FBXO31: variants seen among roughly 807,000 people sequenced by gnomAD.
The protein encoded by FBXO31 is F-box only protein 31.
Under a neutral mutation model 54.4 loss-of-function variants are expected in FBXO31, and 24 were observed. That is an observed-to-expected ratio of 0.44 (90% CI 0.32 to 0.62). The LOEUF (loss-of-function observed/expected upper bound fraction) is 0.62. FBXO31 is among the 20% of genes least tolerant of loss of function. The probability of loss-of-function intolerance (pLI) is 0.05; values close to 1 mark genes in which losing one functional copy is unlikely to be tolerated. For missense variants in FBXO31, 665 were observed against 787.1 expected (o/e 0.84, Z 1.86); for synonymous variants, 388 against 335.6 (o/e 1.16, Z -1.71).
At chr16:87,370,844 G>C (rs1327641688) in intron 1 of FBXO31, among the ~76,000 whole-genome samples, 3 of 152,302 alleles carry the variant, frequency 2.0e-5, no homozygotes, top group East Asian at 3.9e-4. Context: ...GTTTGTACTT[G>C]CGCTAAATTA....
chr16:87,372,100 T>C (rs1443517292), intron 1 of FBXO31, among the ~76,000 whole-genome samples: 1 of 152,022 alleles, frequency 6.6e-6, no homozygotes, highest in African/African-American at 2.4e-5. Flanking sequence ...GGCACATGCA[T>C]GTAGTCCTAG....
At chr16:87,387,291 T>A (rs1319061348), upstream of FBXO31, among the ~76,000 whole-genome samples, 1 of 152,184 alleles carries the variant, frequency 6.6e-6, no homozygotes, top group Admixed American at 6.5e-5. Context: ...ATCCTTTATG[T>A]AGAAATGTAT....
In FBXO31 at chr16:87,353,577, G is replaced by A. The variant is rs144392984; in HGVS notation, c.413-6327C>T. Among the ~76,000 whole-genome samples, 1,506 of 151,962 alleles carry A rather than the reference G, an allele frequency of 9.9e-3. 4 individuals are homozygous for A. The highest frequency in any genetic ancestry group is 0.017 in the Middle Eastern group (5 of 294). The stretch of plus-strand genomic sequence containing the variant: ...GGACAGAGGCAGGGGCTGCGGCAAC[G>A]TGGCCAGAGCAGGAAGAGGCGGTAA... On this transcript the variant is annotated intron_variant, in intron 2 of 8. Coordinates refer to ENST00000311635, the MANE Select transcript of FBXO31 (RefSeq NM_024735.5).
chr16:87,368,568 T>C (rs1906463859), intron 1 of FBXO31, among the ~76,000 whole-genome samples: 3 of 152,008 alleles, frequency 2.0e-5, no homozygotes, highest in African/African-American at 4.8e-5. Context: ...AGGTTCAGTG[T>C]TGCAGGCTGT....
At chr16:87,349,159 G>A (rs1252652056) in intron 2 of FBXO31, among the ~76,000 whole-genome samples, 1 of 152,150 alleles carries the variant, frequency 6.6e-6, no homozygotes, top group East Asian at 1.9e-4. Context: ...AAATCCACAG[G>A]TTTTAAAAAA....
At chr16:87,391,415 A>G (rs1408476580), upstream of FBXO31, among the ~76,000 whole-genome samples, 1 of 152,242 alleles carries the variant, frequency 6.6e-6, no homozygotes, top group Non-Finnish European at 1.5e-5. Flanking sequence ...ACTGCAGCCC[A>G]TTTGGAGTCC....
rs1202058807 is a variant in FBXO31 at position 87,331,524 on chromosome 16, A to G, written c.1398-14T>C. 1.9e-6 allele frequency: 3 copies of G among 1,585,718 alleles called. No individual in the cohort carries two copies. In the Admixed American group the frequency reaches 5.2e-5, roughly 27 times the overall value. On this transcript the variant is annotated splice_polypyrimidine_tract_variant and intron_variant, in intron 8 of 8. Coordinates refer to ENST00000311635, the MANE Select transcript of FBXO31 (RefSeq NM_024735.5). ...GTGCCATAAAAACTGAGCAGAAACA[A>G]GAGGGAAACTGTGAGCTGGGGGAGG... is the stretch of plus-strand genomic sequence containing the variant.
Position 87,360,297 on chromosome 16 carries a change from T to G in FBXO31, c.410A>C (p.Lys137Thr). 1 of 1,614,098 alleles carries G rather than the reference T, an allele frequency of 6.2e-7. No individual in the cohort carries two copies. The highest frequency in any genetic ancestry group is 8.5e-7 in the Non-Finnish European group (1 of 1,179,924). ...TGVSCRDVYAKLLHRYRHILG... is the reference protein window; with the variant it reads ...TGVSCRDVYATLLHRYRHILG... ...TGGTAACAAATAGATTCACTCACGC[T>G]TCGCATAGACGTCCCGACAAGACAC... Residue 137 changes from lysine to threonine, a missense_variant and splice_region_variant, in exon 2 of 9, where the codon AAG becomes ACG. Physicochemically the swap from Lys to Thr is moderately conservative, Grantham distance 78. This residue lies in a region of FBXO31 where 234 missense variants were observed against 346.8 expected (regional missense o/e 0.67). Transcript: ENST00000311635.
At chr16:87,340,098 C>T (rs1469059182) in intron 5 of FBXO31, among the ~76,000 whole-genome samples, 3 of 152,158 alleles carry the variant, frequency 2.0e-5, no homozygotes, top group Non-Finnish European at 2.9e-5. Flanking sequence ...ACCTGGCCAA[C>T]ATGGGGAAAA....
intron 2 of FBXO31, among the ~76,000 whole-genome samples, chr16:87,357,570 C>T (rs1018206085): frequency 2.0e-5 from 3 of 152,046 alleles, no homozygotes; most frequent in African/African-American, 7.2e-5. Flanking sequence ...TCAGATGATC[C>T]ACCTGCCTCG....
At chr16:87,364,462 G>A (rs777080838) in intron 1 of FBXO31, among the ~76,000 whole-genome samples, 5 of 152,182 alleles carry the variant, frequency 3.3e-5, no homozygotes, top group African/African-American at 4.8e-5. Context: ...AGTTCGCGCC[G>A]ACTCTTCTCC....
intron 1 of FBXO31, among the ~76,000 whole-genome samples, chr16:87,380,284 G>A (rs1352083126): frequency 8.4e-6 from 1 of 118,530 alleles, no homozygotes; most frequent in Non-Finnish European, 1.6e-5. Context: ...GTGACAGAGC[G>A]AGACTCCGTC....
intron 5 of FBXO31, among the ~76,000 whole-genome samples, chr16:87,341,879 G>A (rs1286012668): frequency 6.6e-6 from 1 of 152,024 alleles, no homozygotes; most frequent in African/African-American, 2.4e-5. Context: ...GCAGTCCTCT[G>A]GCTGATGGGG....
chr16:87,334,511 C>T (rs1229958627), intron 7 of FBXO31, among the ~76,000 whole-genome samples: 2 of 152,366 alleles, frequency 1.3e-5, no homozygotes, highest in African/African-American at 4.8e-5. Flanking sequence ...ACCTGCTCAA[C>T]TGCGCCCAGA....
intron 2 of FBXO31, among the ~76,000 whole-genome samples, chr16:87,348,211 C>G (rs532390700): frequency 6.6e-6 from 1 of 152,342 alleles, no homozygotes; most frequent in East Asian, 1.9e-4. Context: ...TGCCACCAAC[C>G]TTCCTGCCTC....
At chr16:87,351,095 C>G (rs1037943932) in intron 2 of FBXO31, among the ~76,000 whole-genome samples, 1 of 152,180 alleles carries the variant, frequency 6.6e-6, no homozygotes, top group Admixed American at 6.5e-5. Context: ...GGGCTGCCAG[C>G]GCACAGACCC....
chr16:87,368,360 T>C (rs142735105), intron 1 of FBXO31, among the ~76,000 whole-genome samples: 1 of 152,236 alleles, frequency 6.6e-6, no homozygotes, highest in Non-Finnish European at 1.5e-5. Context: ...CACATCCTTT[T>C]ATTGTTCTAT....
In FBXO31 at chr16:87,383,345, A is replaced by C; in HGVS notation, c.340+60T>G. On this transcript the variant is annotated intron_variant, in intron 1 of 8. Transcript: ENST00000311635. The surrounding 1 kb of genome is among the most constrained non-coding windows in gnomAD (Gnocchi z 4.9). ...ACCGCCCCCGCCACTCCCAGCTCCG[A>C]GGCCTCCACCTGGCAGGGACCCCCC... The C allele has an allele frequency of 4.4e-6, 6 of 1,354,118 alleles. No homozygotes were observed. Among genetic ancestry groups the C allele is most frequent in the Non-Finnish European group, 6.0e-6 (6 of 1,000,490 alleles). 83.9% of individuals were successfully genotyped at this position (1,354,118 alleles called of 1,614,324 possible).
At position 87,331,525 on chromosome 16, in the gene FBXO31, G is replaced by C. The variant is rs1904859336; in HGVS notation, c.1398-15C>G. The C allele has an allele frequency of 1.9e-6, 3 of 1,583,306 alleles. No individual in the cohort carries two copies. Among genetic ancestry groups the C allele is most frequent in the Non-Finnish European group, 2.6e-6 (3 of 1,159,716 alleles). The stretch of plus-strand genomic sequence containing the variant: ...TGCCATAAAAACTGAGCAGAAACAA[G>C]AGGGAAACTGTGAGCTGGGGGAGGG... On this transcript the variant is annotated splice_polypyrimidine_tract_variant and intron_variant, in intron 8 of 8. Coordinates refer to ENST00000311635, the MANE Select transcript of FBXO31 (RefSeq NM_024735.5).
Sources: allele counts gnomAD v4.1 joint callset (sites outside exome capture counted in the v4.1 genomes callset), GRCh38; gene constraint gnomAD v4.1.1; regional missense constraint gnomAD v4.1.1; non-coding constraint Gnocchi (gnomAD v3.1); transcripts MANE v1.5; gene names NCBI Gene and HGNC (gene_info 2026-07-23, HGNC 2026-07-21).